The following CDH10 variants were observed in gnomAD, a reference collection of about 807,000 sequenced individuals.
The protein encoded by CDH10 is cadherin 10.
A neutral mutation model predicts 73.1 loss-of-function variants in CDH10; 30 were observed. That is an observed-to-expected ratio of 0.41 (90% CI 0.31 to 0.56). CDH10 has a LOEUF of 0.56. Ranked by LOEUF, CDH10 falls within the 20% of genes least tolerant of loss-of-function variation. CDH10 has a pLI of 0.27. For missense variants in CDH10, 815 were observed against 973.7 expected, an observed-to-expected ratio of 0.84 and a Z score of 2.17; for synonymous variants, 345 against 348.2, an observed-to-expected ratio of 0.99 and a Z score of 0.10.
chr5:24,596,468 A>C (rs1291220888), intron 1 of CDH10, among the ~76,000 whole-genome samples: 2 of 151,754 alleles, frequency 1.3e-5, no homozygotes, highest in Non-Finnish European at 2.9e-5. Flanking sequence ...CCTTAACCTC[A>C]ATCTTTCTTA....
intron 2 of CDH10, among the ~76,000 whole-genome samples, chr5:24,542,183 A>AAAT (rs1181340843): frequency 2.0e-5 from 3 of 152,150 alleles, no homozygotes; most frequent in African/African-American, 7.2e-5. Context: ...CCATTTTAAA[A>AAAT]AATTATTTTT....
chr5:24,530,487 A>C (rs1743700196), intron 5 of CDH10, among the ~76,000 whole-genome samples: 1 of 151,976 alleles, frequency 6.6e-6, no homozygotes, highest in African/African-American at 2.4e-5. Flanking sequence ...AGGAAGGAAA[A>C]GGGGTAAACA....
chr5:24,495,493 G>A (rs1341460267), intron 9 of CDH10, among the ~76,000 whole-genome samples: 1 of 152,102 alleles, frequency 6.6e-6, no homozygotes, highest in Non-Finnish European at 1.5e-5. Flanking sequence ...ATATGTTTTA[G>A]CTTTTTCTAT....
chr5:24,564,218 C>G (rs1745083930), intron 2 of CDH10, among the ~76,000 whole-genome samples: 1 of 152,204 alleles, frequency 6.6e-6, no homozygotes, highest in South Asian at 2.1e-4. Context: ...CACACACATA[C>G]TATATGTAGA....
At chr5:24,571,842 C>T (rs750564130) in intron 2 of CDH10, among the ~76,000 whole-genome samples, 33 of 151,964 alleles carry the variant, frequency 2.2e-4, no homozygotes, top group Non-Finnish European at 1.0e-4. Flanking sequence ...TTAAAACTAC[C>T]CCCATGACCT....
chr5:24,611,697 C>A (rs1746955668), intron 1 of CDH10: 1 of 152,098 alleles, frequency 6.6e-6, no homozygotes, highest in Admixed American at 6.6e-5. Flanking sequence ...TGCATGCGCA[C>A]CGATCTAGTA....
chr5:24,605,544 A>T (rs1447958670), intron 1 of CDH10, among the ~76,000 whole-genome samples: 2 of 152,238 alleles, frequency 1.3e-5, no homozygotes, highest in Non-Finnish European at 2.9e-5. Flanking sequence ...TCTTCCACGA[A>T]GTGGGTCGTT....
chr5:24,589,643 T>G (rs898168291), intron 2 of CDH10, among the ~76,000 whole-genome samples: 15 of 152,058 alleles, frequency 9.9e-5, no homozygotes, highest in Admixed American at 3.3e-4. Context: ...TGCTTAGAAC[T>G]GCATATTTGT....
At chr5:24,547,147 T>C (rs530713036) in intron 2 of CDH10, among the ~76,000 whole-genome samples, 1 of 152,322 alleles carries the variant, frequency 6.6e-6, no homozygotes, top group African/African-American at 2.4e-5. Flanking sequence ...AGTGAACTGC[T>C]AATAATATAA....
intron 1 of CDH10, among the ~76,000 whole-genome samples, chr5:24,606,965 G>T (rs1026238337): frequency 6.6e-6 from 1 of 152,102 alleles, no homozygotes; most frequent in Non-Finnish European, 1.5e-5. Context: ...ATTCTAGCTA[G>T]TTATCAGTTG....
At chr5:24,636,309 A>G (rs1747866174) in intron 1 of CDH10, among the ~76,000 whole-genome samples, 1 of 152,028 alleles carries the variant, frequency 6.6e-6, no homozygotes, top group Non-Finnish European at 1.5e-5. Context: ...AAATCCAGAC[A>G]GTCTGGTGCC....
chr5:24,640,695 C>T (rs1421579217), intron 1 of CDH10, among the ~76,000 whole-genome samples: 2 of 151,790 alleles, frequency 1.3e-5, no homozygotes, highest in South Asian at 4.1e-4. Context: ...TGAAGGAATG[C>T]TACATTTTAT....
intron 5 of CDH10, among the ~76,000 whole-genome samples, chr5:24,518,691 A>T (rs1743199004): frequency 6.6e-6 from 1 of 151,890 alleles, no homozygotes; most frequent in Non-Finnish European, 1.5e-5. Flanking sequence ...AATGAATATC[A>T]TGTTTTTTTC....
chr5:24,593,162 C>A, intron 2 of CDH10, 98 bp downstream of exon 2: 2 of 685,046 alleles, frequency 2.9e-6, no homozygotes, highest in East Asian at 2.6e-5. Flanking sequence ...TTTAAAGAAT[C>A]AGATTTATAA....
intron 5 of CDH10, among the ~76,000 whole-genome samples, chr5:24,512,734 C>G (rs2111774686): frequency 6.6e-6 from 1 of 152,248 alleles, no homozygotes; most frequent in African/African-American, 2.4e-5. Context: ...TGATCATAAA[C>G]TACATATTTC....
intron 9 of CDH10, among the ~76,000 whole-genome samples, chr5:24,495,870 G>C (rs1396494230): frequency 7.3e-6 from 1 of 136,570 alleles, no homozygotes; most frequent in Non-Finnish European, 1.6e-5. Flanking sequence ...AAAAAAAAAA[G>C]AAAGAAAGAA....
chr5:24,511,631 G>T, intron 5 of CDH10, 117 bp from the exon 6 acceptor site: 1 of 600,702 alleles, frequency 1.7e-6, no homozygotes, highest in Non-Finnish European at 2.9e-6. Flanking sequence ...CATGTAAGAC[G>T]CAATATAATA....
At chr5:24,562,997 G>A (rs1745015991) in intron 2 of CDH10, among the ~76,000 whole-genome samples, 1 of 152,132 alleles carries the variant, frequency 6.6e-6, no homozygotes. Context: ...AATCCTCTAT[G>A]AGCATTGCTA....
chr5:24,550,629 T>C (rs919679311), intron 2 of CDH10, among the ~76,000 whole-genome samples: 6 of 152,156 alleles, frequency 3.9e-5, no homozygotes, highest in African/African-American at 1.4e-4. Context: ...TGCATCTTTT[T>C]CATTCATATT....
Sources: allele counts gnomAD v4.1 joint callset (sites outside exome capture counted in the v4.1 genomes callset), GRCh38; gene constraint gnomAD v4.1.1; transcripts MANE v1.5; gene names NCBI Gene and HGNC (gene_info 2026-07-23, HGNC 2026-07-21).